The following TSGA10 variants were observed in gnomAD, a reference collection of about 807,000 sequenced individuals.
The protein encoded by TSGA10 is testis specific 10.
TSGA10 carries 43 observed loss-of-function variants against 96.6 expected under a neutral mutation model. That is an observed-to-expected ratio of 0.44 (90% CI 0.35 to 0.57). The LOEUF is 0.57. Among genes scored for constraint, TSGA10 ranks in the 20% least tolerant of loss-of-function variants. TSGA10 has a pLI of 0.01. For missense variants in TSGA10, 703 were observed against 834.4 expected, an observed-to-expected ratio of 0.84 and a Z score of 1.94; for synonymous variants, 229 against 269.9, an observed-to-expected ratio of 0.85 and a Z score of 1.48.
intron 14 of TSGA10, among the ~76,000 whole-genome samples, chr2:99,069,970 T>C (rs1421516033): frequency 6.6e-6 from 1 of 152,122 alleles, no homozygotes; most frequent in Non-Finnish European, 1.5e-5. Flanking sequence ...AATTGTGGTA[T>C]CAAGGATAAA....
At chr2:99,035,952 G>C (rs2081585819) in intron 16 of TSGA10, among the ~76,000 whole-genome samples, 1 of 152,118 alleles carries the variant, frequency 6.6e-6, no homozygotes, top group African/African-American at 2.4e-5. Context: ...CTGAGGGAAA[G>C]AGACTAAGGG....
At chr2:99,104,217 G>T in intron 9 of TSGA10, 99 bp from the exon 10 acceptor site, 1 of 1,339,560 alleles carries the variant, frequency 7.5e-7, no homozygotes, top group Non-Finnish European at 1.0e-6. Flanking sequence ...TTTATGGCAA[G>T]ACTGACAGGA....
At chr2:99,014,705 G>T (rs1458655874) in intron 20 of TSGA10, among the ~76,000 whole-genome samples, 2 of 151,996 alleles carry the variant, frequency 1.3e-5, no homozygotes, top group African/African-American at 4.8e-5. Context: ...CAAAAAGCTG[G>T]TTCTTTGAAA....
intron 16 of TSGA10, among the ~76,000 whole-genome samples, chr2:99,050,135 A>G (rs1229636004): frequency 6.6e-6 from 1 of 152,196 alleles, no homozygotes; most frequent in Non-Finnish European, 1.5e-5. Flanking sequence ...AGCCAAAGTA[A>G]CAATGAAGAC....
intron 16 of TSGA10, among the ~76,000 whole-genome samples, chr2:99,044,827 A>G (rs1439110996): frequency 6.6e-6 from 1 of 152,162 alleles, no homozygotes. Flanking sequence ...CATAATAAAC[A>G]GTTTCTCAGA....
At chr2:99,002,446 G>A (rs2078021772) in intron 20 of TSGA10, among the ~76,000 whole-genome samples, 1 of 152,212 alleles carries the variant, frequency 6.6e-6, no homozygotes, top group South Asian at 2.1e-4. Context: ...GAGAGATGTT[G>A]TCACCACCAG....
At chr2:99,011,828 G>A (rs1174815956) in intron 20 of TSGA10, among the ~76,000 whole-genome samples, 2 of 152,106 alleles carry the variant, frequency 1.3e-5, no homozygotes, top group Non-Finnish European at 2.9e-5. Context: ...AACACAAGAA[G>A]CTCAAAGAAC....
At chr2:99,009,387 C>T (rs764101668) in intron 20 of TSGA10, among the ~76,000 whole-genome samples, 7 of 151,454 alleles carry the variant, frequency 4.6e-5, no homozygotes, top group East Asian at 1.9e-4. Context: ...CTGGCTAACA[C>T]GGTGAAAACC....
intron 1 of TSGA10, chr2:99,154,428 C>T (rs1193752438): frequency 6.5e-6 from 1 of 152,896 alleles, no homozygotes; most frequent in African/African-American, 2.4e-5. Flanking sequence ...GTATTATCAT[C>T]TGCGAATACC....
At chr2:99,059,404 G>A (rs937085704) in intron 16 of TSGA10, among the ~76,000 whole-genome samples, 5 of 151,792 alleles carry the variant, frequency 3.3e-5, no homozygotes, top group Non-Finnish European at 7.4e-5. Context: ...GGAAGCCGAC[G>A]TGGGCAGATC....
At chr2:99,058,153 G>A (rs181124747) in intron 16 of TSGA10, among the ~76,000 whole-genome samples, 1 of 152,270 alleles carries the variant, frequency 6.6e-6, no homozygotes, top group East Asian at 1.9e-4. Flanking sequence ...GTGATAAAGG[G>A]TACAGTGATT....
intron 20 of TSGA10, 65 bp downstream of exon 20, chr2:99,018,135 C>T (rs2079692202): frequency 6.5e-7 from 1 of 1,538,814 alleles, no homozygotes; most frequent in Non-Finnish European, 8.8e-7. Flanking sequence ...CTTATTACCC[C>T]AAATGTTCAC....
intron 10 of TSGA10, among the ~76,000 whole-genome samples, chr2:99,083,320 C>A (rs992504888): frequency 6.6e-6 from 1 of 151,988 alleles, no homozygotes; most frequent in Admixed American, 6.6e-5. Flanking sequence ...TAAGTAAGTA[C>A]AATTCACAGA....
At chr2:99,087,228 C>T (rs2088622738) in intron 10 of TSGA10, among the ~76,000 whole-genome samples, 1 of 151,296 alleles carries the variant, frequency 6.6e-6, no homozygotes, top group Non-Finnish European at 1.5e-5. Flanking sequence ...TTTTTTAGGC[C>T]AGGCACGGTA....
At chr2:99,105,460 T>A (rs745839198) in intron 8 of TSGA10, 24 bp from the exon 9 acceptor site, 2 of 1,613,388 alleles carry the variant, frequency 1.2e-6, no homozygotes, top group East Asian at 2.2e-5. Context: ...AAAAACAAAA[T>A]AAAGTGATTT....
intron 12 of TSGA10, among the ~76,000 whole-genome samples, chr2:99,074,802 T>C (rs1041449249): frequency 6.6e-6 from 1 of 151,590 alleles, no homozygotes; most frequent in Admixed American, 6.6e-5. Flanking sequence ...CTACTGAAAA[T>C]ACAAAAATTA....
chr2:99,148,101 C>T lies in TSGA10; in HGVS notation c.-621+6592G>A, dbSNP rs199857358. On this transcript the variant is annotated intron_variant, in intron 1 of 20. Transcript: ENST00000393483. ...AGCCTCCTTTAATCTGAAACAGTTC[C>T]TCAGCCTCTCTGTGTCTTTCATAAC... Among the ~76,000 whole-genome samples, 609 of 152,216 alleles carry T rather than the reference C, an allele frequency of 4.0e-3. 7 individuals are homozygous for T. The highest frequency in any genetic ancestry group is 0.014 in the African/African-American group (585 of 41,538).
intron 1 of TSGA10, among the ~76,000 whole-genome samples, chr2:99,133,106 C>T (rs775482344): frequency 9.2e-5 from 14 of 152,014 alleles, no homozygotes; most frequent in African/African-American, 1.9e-4. Context: ...CTGTTAGGTC[C>T]GGTTGGTCCA....
In TSGA10 at chr2:99,105,615, A is replaced by G; in HGVS notation, c.293T>C (p.Leu98Pro). 6.2e-7 allele frequency: 1 copy of G among 1,610,150 alleles called. No individual in the cohort carries two copies. Among genetic ancestry groups the G allele is most frequent in the Non-Finnish European group, 8.5e-7 (1 of 1,176,596 alleles). Residue 98 changes from leucine to proline, a missense_variant, in exon 8 of 21, where the codon CTC becomes CCC. Coordinates refer to ENST00000393483, the MANE Select transcript of TSGA10 (RefSeq NM_025244.4). ...ATCTCTTTCAGTCTCCACTCGCCGGAGAATAGCATGTGCCGTTGTTGATTT... is the reference window on the plus strand; with the variant it reads ...ATCTCTTTCAGTCTCCACTCGCCGGGGAATAGCATGTGCCGTTGTTGATTT... ...SPKSTTAHAI[L>P]RRVETERDVA... is the part of the protein sequence containing the mutation.
Sources: gnomAD v4.1 joint callset for allele counts (sites outside exome capture counted in the v4.1 genomes callset) on GRCh38, gnomAD v4.1.1 for gene constraint, MANE v1.5 for transcripts, NCBI Gene and HGNC (gene_info 2026-07-23, HGNC 2026-07-21) for gene names.